Variants in NR3C2 observed in about 807,000 individuals in gnomAD.
NR3C2 encodes the protein mineralocorticoid receptor.
NR3C2 carries 15 observed loss-of-function variants against 86.4 expected under a neutral mutation model. That is an observed-to-expected ratio of 0.17 (90% CI 0.12 to 0.27). NR3C2 has a LOEUF of 0.27. Ranked by LOEUF, NR3C2 falls within the 10% of genes least tolerant of loss-of-function variation. NR3C2 has a pLI of 1.00. For missense variants in NR3C2, 960 were observed against 1,195.6 expected (o/e 0.80, Z 2.91); for synonymous variants, 458 against 450.5 (o/e 1.02, Z -0.21).
At chr4:148,184,668 A>T (rs1044721771) in intron 4 of NR3C2, among the ~76,000 whole-genome samples, 29 of 152,256 alleles carry the variant, frequency 1.9e-4, no homozygotes, top group Middle Eastern at 3.4e-3. Flanking sequence ...GTGCTTTTTT[A>T]AAAAAATCAA....
intron 3 of NR3C2, among the ~76,000 whole-genome samples, chr4:148,221,337 T>G (rs1318232636): frequency 6.6e-6 from 1 of 152,208 alleles, no homozygotes; most frequent in Admixed American, 6.5e-5. Context: ...GACGTACAAC[T>G]CATAGAACAA....
intron 3 of NR3C2, among the ~76,000 whole-genome samples, chr4:148,244,106 A>G (rs1739201552): frequency 6.6e-6 from 1 of 152,222 alleles, no homozygotes; most frequent in Non-Finnish European, 1.5e-5. Flanking sequence ...CCACTTCAAC[A>G]GATGGTGCCT....
intron 2 of NR3C2, among the ~76,000 whole-genome samples, chr4:148,360,357 A>G (rs1471843227): frequency 6.6e-6 from 1 of 152,214 alleles, no homozygotes; most frequent in Non-Finnish European, 1.5e-5. Context: ...AAAAAGCTCC[A>G]ACTAAAAGTG....
At chr4:148,159,973 C>G (rs1734581856) in intron 4 of NR3C2, among the ~76,000 whole-genome samples, 1 of 152,188 alleles carries the variant, frequency 6.6e-6, no homozygotes, top group Non-Finnish European at 1.5e-5. Context: ...TTGCCAGCAA[C>G]AGTAGCTGTG....
At chr4:148,144,078 T>G (rs1301938056) in intron 6 of NR3C2, among the ~76,000 whole-genome samples, 1 of 152,136 alleles carries the variant, frequency 6.6e-6, no homozygotes, top group Non-Finnish European at 1.5e-5. Flanking sequence ...GTCCCTATCT[T>G]CTGCGTGCTC....
At chr4:148,305,940 C>T (rs9996961) in intron 2 of NR3C2, among the ~76,000 whole-genome samples, 3,106 of 152,274 alleles carry the variant, frequency 0.02, 106 homozygotes, top group African/African-American at 0.072. Flanking sequence ...AAAAGAGACT[C>T]GCCAGAGCTA....
intron 2 of NR3C2, among the ~76,000 whole-genome samples, chr4:148,283,178 A>G (rs921561201): frequency 6.6e-6 from 1 of 152,220 alleles, no homozygotes; most frequent in East Asian, 1.9e-4. Flanking sequence ...AGCTTTCATA[A>G]AAGTAAGTAA....
intron 2 of NR3C2, among the ~76,000 whole-genome samples, chr4:148,363,502 A>ATATTTTTTTTTTT (rs1414328296): frequency 6.2e-5 from 1 of 16,226 alleles, no homozygotes; most frequent in Non-Finnish European, 1.3e-4. Flanking sequence ...CTTCTCATAG[A>ATATTTTTTTTTTT]TCTCTTTTTT....
chr4:148,233,895 G>T (rs1307723499), intron 3 of NR3C2, among the ~76,000 whole-genome samples: 1 of 152,122 alleles, frequency 6.6e-6, no homozygotes, highest in Admixed American at 6.5e-5. Context: ...ACTAAAATGT[G>T]ACACAGAGAC....
chr4:148,297,882 TCC>T (rs1483693767), intron 2 of NR3C2, among the ~76,000 whole-genome samples: 1 of 144,158 alleles, frequency 6.9e-6, no homozygotes, highest in Non-Finnish European at 1.5e-5. Context: ...AAAGTGAAAC[TCC>T]GTCTCAAAAA....
chr4:148,309,580 G>GA (rs34026733), intron 2 of NR3C2, among the ~76,000 whole-genome samples: 117,102 of 149,824 alleles, frequency 0.78, 45,916 homozygotes, highest in Middle Eastern at 0.88. Flanking sequence ...TTAGACTTCA[G>GA]AATCTTCATA....
chr4:148,113,938 G>C (rs1049168331), intron 8 of NR3C2, among the ~76,000 whole-genome samples, 166 bp downstream of exon 8: 2 of 152,134 alleles, frequency 1.3e-5, no homozygotes, highest in Non-Finnish European at 2.9e-5. Flanking sequence ...TCATTCCCTG[G>C]CTCTGGGTCT....
At chr4:148,301,745 T>G (rs1232488812) in intron 2 of NR3C2, among the ~76,000 whole-genome samples, 2 of 152,208 alleles carry the variant, frequency 1.3e-5, no homozygotes, top group Admixed American at 1.3e-4. Flanking sequence ...TGTAACATAT[T>G]TAACAGGCTT....
chr4:148,258,832 C>A (rs991405238), intron 3 of NR3C2, among the ~76,000 whole-genome samples: 4 of 152,174 alleles, frequency 2.6e-5, no homozygotes, highest in East Asian at 1.9e-4. Flanking sequence ...GAATTTCCAT[C>A]GGTGCTTAAG....
intron 2 of NR3C2, among the ~76,000 whole-genome samples, chr4:148,341,620 A>G (rs1744752899): frequency 6.6e-6 from 1 of 152,148 alleles, no homozygotes; most frequent in Non-Finnish European, 1.5e-5. Flanking sequence ...TTCCCAATAT[A>G]AAAAGAGGTG....
intron 2 of NR3C2, among the ~76,000 whole-genome samples, chr4:148,286,905 G>C (rs761917299): frequency 1.3e-5 from 2 of 152,120 alleles, no homozygotes; most frequent in African/African-American, 4.8e-5. Context: ...TGGGAATGTC[G>C]TTAGAGAGTC....
At chr4:148,347,885 A>T (rs989448340) in intron 2 of NR3C2, among the ~76,000 whole-genome samples, 2 of 152,088 alleles carry the variant, frequency 1.3e-5, no homozygotes, top group African/African-American at 4.8e-5. Flanking sequence ...AGCACTTCAC[A>T]CCAATTACTT....
intron 2 of NR3C2, among the ~76,000 whole-genome samples, chr4:148,279,853 G>A (rs1741148492): frequency 6.6e-6 from 1 of 152,052 alleles, no homozygotes; most frequent in African/African-American, 2.4e-5. Context: ...AGCCTCCCGA[G>A]TAGCTGGGAT....
At chr4:148,242,789 A>C (rs1218188129) in intron 3 of NR3C2, among the ~76,000 whole-genome samples, 1 of 152,212 alleles carries the variant, frequency 6.6e-6, no homozygotes, top group Non-Finnish European at 1.5e-5. Context: ...ACAAAGAGAA[A>C]CAGTTTGCAT....
Sources: allele counts gnomAD v4.1 joint callset (sites outside exome capture counted in the v4.1 genomes callset), GRCh38; gene constraint gnomAD v4.1.1; transcripts MANE v1.5; gene names NCBI Gene and HGNC (gene_info 2026-07-23, HGNC 2026-07-21).